STK24: variants seen among roughly 807,000 people sequenced by gnomAD.
STK24 encodes serine/threonine-protein kinase 24.
STK24 carries 21 observed loss-of-function variants against 55.6 expected under a neutral mutation model. The ratio of observed to expected loss-of-function variants is 0.38; its 90% CI spans 0.27 to 0.54. The LOEUF (loss-of-function observed/expected upper bound fraction) is 0.54, where lower values mean the gene tolerates loss of function less well. STK24 is among the 20% of genes least tolerant of loss of function. The pLI, the probability that STK24 is intolerant of heterozygous loss-of-function variation, is 0.79. For missense variants in STK24, 383 were observed against 538.4 expected, an observed-to-expected ratio of 0.71 and a Z score of 2.86; for synonymous variants, 200 against 215.2, an observed-to-expected ratio of 0.93 and a Z score of 0.62.
chr13:98,542,932 T>A (rs1365116858), intron 1 of STK24: 1 of 985,326 alleles, frequency 1.0e-6, no homozygotes, highest in Non-Finnish European at 1.2e-6. Context: ...ACGGGTGTAT[T>A]TGTGGAGACG....
chr13:98,484,087 G>A (rs923164563), intron 2 of STK24, among the ~76,000 whole-genome samples: 1 of 152,118 alleles, frequency 6.6e-6, no homozygotes, highest in African/African-American at 2.4e-5. Flanking sequence ...ATCCAGTCAC[G>A]GGCACCTGCC....
At chr13:98,534,029 T>C (rs1896645766) in intron 1 of STK24, among the ~76,000 whole-genome samples, 2 of 152,242 alleles carry the variant, frequency 1.3e-5, no homozygotes, top group Admixed American at 1.3e-4. Context: ...ACCCACCACC[T>C]GGTGCTAGCG....
chr13:98,525,761 G>C (rs1362001952), intron 1 of STK24, among the ~76,000 whole-genome samples: 1 of 152,186 alleles, frequency 6.6e-6, no homozygotes, highest in African/African-American at 2.4e-5. Flanking sequence ...AGGGTTCAGG[G>C]ATAAAAAGAC....
chr13:98,531,211 A>C (rs537869472), intron 1 of STK24, among the ~76,000 whole-genome samples: 5 of 152,344 alleles, frequency 3.3e-5, no homozygotes, highest in African/African-American at 1.2e-4. Context: ...ATAAGTTTAA[A>C]GCTCACTCTT....
At chr13:98,561,213 T>C (rs971239567) in intron 1 of STK24, among the ~76,000 whole-genome samples, 14 of 152,216 alleles carry the variant, frequency 9.2e-5, no homozygotes, top group African/African-American at 3.4e-4. Flanking sequence ...ACTCATTAAA[T>C]AACACACTGC....
chr13:98,529,069 G>A (rs746103540), intron 1 of STK24, among the ~76,000 whole-genome samples: 30 of 152,144 alleles, frequency 2.0e-4, no homozygotes, highest in African/African-American at 4.3e-4. Flanking sequence ...AACTGGGCAC[G>A]CAGGTGGAAA....
chr13:98,477,225 T>C (rs1894412145), intron 3 of STK24, among the ~76,000 whole-genome samples: 1 of 152,258 alleles, frequency 6.6e-6, no homozygotes, highest in Non-Finnish European at 1.5e-5. Context: ...TTTTTCAGTG[T>C]TCATAGAATG....
chr13:98,506,456 C>T (rs556124593), intron 2 of STK24, among the ~76,000 whole-genome samples: 2 of 152,300 alleles, frequency 1.3e-5, no homozygotes, highest in Non-Finnish European at 2.9e-5. Context: ...AAGGAAGGTG[C>T]AGGACCACAA....
intron 1 of STK24, among the ~76,000 whole-genome samples, chr13:98,523,542 G>A (rs1367699271): frequency 6.6e-6 from 1 of 151,602 alleles, no homozygotes; most frequent in Non-Finnish European, 1.5e-5. Context: ...AGGACTTGCA[G>A]AGCTCCCTCC....
chr13:98,547,579 A>G lies in STK24; in HGVS notation c.43-28106T>C, dbSNP rs558795557. Among the ~76,000 whole-genome samples the G allele has an allele frequency of 1.0e-3, 157 of 152,298 alleles. No homozygotes were observed. The South Asian group carries it at 0.015, about 15-fold the overall frequency. ...ACAAAATTAATGACCAACTATGATAAAAAGTCAATAGGTTGTTTGCAGTCA... is the reference window on the plus strand; with the variant it reads ...ACAAAATTAATGACCAACTATGATAGAAAGTCAATAGGTTGTTTGCAGTCA... On this transcript the variant is annotated intron_variant, in intron 1 of 10. Transcript: ENST00000539966.
At chr13:98,471,355 C>T (rs1417329474) in intron 5 of STK24, among the ~76,000 whole-genome samples, 1 of 152,146 alleles carries the variant, frequency 6.6e-6, no homozygotes, top group Non-Finnish European at 1.5e-5. Flanking sequence ...ACAATCCATT[C>T]GCTAACATAC....
At chr13:98,456,943 A>T in intron 10 of STK24, 1 of 604,290 alleles carries the variant, frequency 1.7e-6, no homozygotes, top group Non-Finnish European at 2.9e-6. Flanking sequence ...CTACAAATGC[A>T]CTAAGTCCTG....
In STK24 at chr13:98,512,590, A is replaced by T. The variant is rs74242972; in HGVS notation, c.273+6653T>A. On this transcript the variant is annotated intron_variant, in intron 2 of 10. Transcript: ENST00000539966. The stretch of plus-strand genomic sequence containing the variant: ...AAGTAAGTTTTTTTTTTTTTTTTTT[A>T]AAAAGGGAAAGCAAGGTACCAGCCC... Among the ~76,000 whole-genome samples the T allele has an allele frequency of 7.1e-3, 1,046 of 147,600 alleles. 59 individuals are homozygous for T. In the East Asian group the frequency reaches 0.13, roughly 18 times the overall value.
intron 3 of STK24, among the ~76,000 whole-genome samples, chr13:98,475,926 G>T (rs1216962074): frequency 6.6e-6 from 1 of 152,180 alleles, no homozygotes; most frequent in Non-Finnish European, 1.5e-5. Context: ...GGATATCCTT[G>T]TATTAGAATT....
Position 98,492,663 on chromosome 13 carries a change from T to C in STK24, c.274-10342A>G, listed in dbSNP as rs1332309265. On this transcript the variant is annotated intron_variant, in intron 2 of 10. Coordinates refer to ENST00000539966, the MANE Select transcript of STK24 (RefSeq NM_001032296.4). The stretch of plus-strand genomic sequence containing the variant: ...TAGGAAGAAAACAACCCCACAATTT[T>C]TCTCTCCCTGGTCAAGAAGGGAGGA... Among the ~76,000 whole-genome samples, 7 of 152,138 alleles carry C rather than the reference T, an allele frequency of 4.6e-5. No homozygotes were observed. The South Asian group carries it at 1.2e-3, about 27-fold the overall frequency.
At chr13:98,465,428 C>T (rs1893890594) in intron 6 of STK24, among the ~76,000 whole-genome samples, 1 of 152,246 alleles carries the variant, frequency 6.6e-6, no homozygotes, top group African/African-American at 2.4e-5. Flanking sequence ...GACATGCCTG[C>T]ACACATCTCC....
chr13:98,458,024 A>C (rs1325103897), intron 9 of STK24, among the ~76,000 whole-genome samples: 2 of 152,132 alleles, frequency 1.3e-5, no homozygotes, highest in African/African-American at 2.4e-5. Flanking sequence ...CTTACTTCCT[A>C]ATGTTAATGG....
intron 1 of STK24, among the ~76,000 whole-genome samples, chr13:98,545,273 T>C (rs1041138303): frequency 4.6e-5 from 7 of 152,220 alleles, no homozygotes; most frequent in Non-Finnish European, 8.8e-5. Context: ...TTGTTAGCAA[T>C]GAGCCTATTT....
chr13:98,481,829 C>A (rs1169809302), intron 3 of STK24, among the ~76,000 whole-genome samples: 1 of 152,088 alleles, frequency 6.6e-6, no homozygotes, highest in Non-Finnish European at 1.5e-5. Context: ...GCGGGGATCA[C>A]TCGAGGTCAG....
Sources: gnomAD v4.1 joint callset for allele counts (sites outside exome capture counted in the v4.1 genomes callset) on GRCh38, gnomAD v4.1.1 for gene constraint, MANE v1.5 for transcripts, NCBI Gene and HGNC (gene_info 2026-07-23, HGNC 2026-07-21) for gene names.